Variants in BLM observed in about 807,000 individuals in gnomAD.
The protein encoded by BLM is recQ-like DNA helicase BLM.
BLM carries 95 observed loss-of-function variants against 135.3 expected under a neutral mutation model. The observed-to-expected ratio is 0.70, with a 90% confidence interval of 0.59 to 0.83. BLM has a LOEUF of 0.83. Ranked by LOEUF, BLM falls within the 40% of genes least tolerant of loss-of-function variation. The pLI, the probability that BLM is intolerant of heterozygous loss-of-function variation, is 0.00. For missense variants in BLM, 1,518 were observed against 1,663.9 expected (o/e 0.91, Z 1.53); for synonymous variants, 520 against 589.2 (o/e 0.88, Z 1.70).
chr15:90,802,820 T>G (rs1024351992), intron 17 of BLM, among the ~76,000 whole-genome samples: 1 of 152,008 alleles, frequency 6.6e-6, no homozygotes, highest in Non-Finnish European at 1.5e-5. Flanking sequence ...AAGAGTGTCA[T>G]TGGATTGTTT....
intron 17 of BLM, among the ~76,000 whole-genome samples, chr15:90,802,146 G>A (rs996086748): frequency 2.6e-4 from 40 of 152,128 alleles, no homozygotes; most frequent in African/African-American, 9.7e-4. Context: ...TTAGCAGAAC[G>A]GTAGTTCTGT....
At chr15:90,729,876 C>T (rs924061786) in intron 1 of BLM, among the ~76,000 whole-genome samples, 6 of 152,160 alleles carry the variant, frequency 3.9e-5, no homozygotes, top group South Asian at 2.1e-4. Flanking sequence ...GACGAAGTCT[C>T]GCTCTATCGC....
chr15:90,773,290 G>A (rs1896376785), intron 12 of BLM, among the ~76,000 whole-genome samples: 2 of 151,256 alleles, frequency 1.3e-5, no homozygotes, highest in African/African-American at 2.4e-5. Context: ...TGTGGTGGTG[G>A]GCGCCTGTAA....
intron 21 of BLM, among the ~76,000 whole-genome samples, chr15:90,812,334 C>G (rs1897442723): frequency 6.6e-6 from 1 of 152,212 alleles, no homozygotes; most frequent in Admixed American, 6.5e-5. Context: ...TAAATGGCTT[C>G]TGTCTTCCCC....
intron 14 of BLM, among the ~76,000 whole-genome samples, chr15:90,788,471 G>GTTTTTTGTTTTTTTTTTTT (rs1896809512): frequency 1.1e-5 from 1 of 94,994 alleles, no homozygotes; most frequent in African/African-American, 4.0e-5. Context: ...CCAGTGTTTT[G>GTTTTTTGTTTTTTTTTTTT]TTTTTTTTTT....
intron 16 of BLM, among the ~76,000 whole-genome samples, chr15:90,797,414 C>CAAAAAAAAAAAAA (rs56369282): frequency 1.5e-4 from 16 of 109,594 alleles, no homozygotes; most frequent in Non-Finnish European, 2.1e-4. Flanking sequence ...AACTCCATCT[C>CAAAAAAAAAAAAA]AAAAAAAAAA....
At chr15:90,719,281 G>C (rs1396067522) in intron 1 of BLM, among the ~76,000 whole-genome samples, 1 of 152,120 alleles carries the variant, frequency 6.6e-6, no homozygotes, top group Non-Finnish European at 1.5e-5. Context: ...GAGCCACCGC[G>C]CCCGGCCATG....
chr15:90,801,844 C>T (rs1433188402), intron 17 of BLM, among the ~76,000 whole-genome samples: 3 of 152,016 alleles, frequency 2.0e-5, no homozygotes, highest in African/African-American at 7.2e-5. Context: ...TTGCTTGAGC[C>T]CAGGAGTTCA....
At chr15:90,801,581 C>A (rs1897166608) in intron 17 of BLM, among the ~76,000 whole-genome samples, 1 of 151,948 alleles carries the variant, frequency 6.6e-6, no homozygotes, top group African/African-American at 2.4e-5. Flanking sequence ...TGAGATAAAA[C>A]CTCATCTTTC....
chr15:90,781,222 A>G (rs1896609223), intron 12 of BLM, among the ~76,000 whole-genome samples: 1 of 152,022 alleles, frequency 6.6e-6, no homozygotes, highest in South Asian at 2.1e-4. Flanking sequence ...TAGGGCTTTA[A>G]CTCCTTCTGC....
intron 1 of BLM, among the ~76,000 whole-genome samples, chr15:90,740,049 G>A (rs912217543): frequency 4.6e-5 from 7 of 152,174 alleles, no homozygotes; most frequent in African/African-American, 1.7e-4. Context: ...ACAGGCATGA[G>A]CTACTGTGTC....
At chr15:90,755,810 C>G (rs1401143296) in intron 5 of BLM, among the ~76,000 whole-genome samples, 1 of 151,900 alleles carries the variant, frequency 6.6e-6, no homozygotes, top group African/African-American at 2.4e-5. Context: ...TTTTAAATTT[C>G]TATCAAGGCA....
intron 19 of BLM, 96 bp downstream of exon 19, chr15:90,804,455 G>A: frequency 7.4e-7 from 1 of 1,348,388 alleles, no homozygotes; most frequent in Non-Finnish European, 1.1e-6. Context: ...ATATCTCAGT[G>A]GTTTGTTTCT....
chr15:90,740,631 G>A (rs1452516073), intron 1 of BLM, among the ~76,000 whole-genome samples: 4 of 152,154 alleles, frequency 2.6e-5, no homozygotes, highest in African/African-American at 9.7e-5. Context: ...ATGGTGATAT[G>A]GTTTGCCTGT....
At chr15:90,747,538 A>G in intron 2 of BLM, 48 bp downstream of exon 2, 1 of 1,131,234 alleles carries the variant, frequency 8.8e-7, no homozygotes, top group Non-Finnish European at 1.3e-6. Flanking sequence ...AACTTACCAC[A>G]TTGTACACAT....
Position 90,784,535 on chromosome 15 carries a change from C to CATG in BLM, c.2663-382_2663-380dup, listed in dbSNP as rs139805730. Among the ~76,000 whole-genome samples the CATG allele has an allele frequency of 3.2e-3, 480 of 151,834 alleles. 2 individuals carry two copies. The highest frequency in any genetic ancestry group is 0.011 in the African/African-American group (463 of 41,384). ...ATTTTTAGTGAAGATAGCTTTTCAC[C>CATG]ATGATGTCCAGGCTGGTCTCGAACT... On this transcript the variant is annotated intron_variant, in intron 13 of 21. Transcript: ENST00000355112.
At chr15:90,796,426 A>T (rs1337371132) in intron 16 of BLM, among the ~76,000 whole-genome samples, 2 of 152,170 alleles carry the variant, frequency 1.3e-5, no homozygotes, top group Non-Finnish European at 2.9e-5. Context: ...TAAATATTGT[A>T]CACTTCGCAG....
intron 17 of BLM, among the ~76,000 whole-genome samples, chr15:90,802,697 C>G (rs28385132): frequency 0.17 from 25,301 of 152,136 alleles, 2,198 homozygotes; most frequent in Non-Finnish European, 0.19. Flanking sequence ...AATCCCAATA[C>G]TGTGAGAAGC....
intron 1 of BLM, among the ~76,000 whole-genome samples, chr15:90,723,144 A>G (rs1302951390): frequency 1.3e-5 from 2 of 152,048 alleles, no homozygotes; most frequent in East Asian, 3.9e-4. Flanking sequence ...TCCTGGCCCT[A>G]TTGTCCCAAT....
Sources: gnomAD v4.1 joint callset for allele counts (sites outside exome capture counted in the v4.1 genomes callset) on GRCh38, gnomAD v4.1.1 for gene constraint, MANE v1.5 for transcripts, NCBI Gene and HGNC (gene_info 2026-07-23, HGNC 2026-07-21) for gene names.